The following FBXO25 variants were observed in gnomAD, a reference collection of about 807,000 sequenced individuals.
FBXO25 encodes the protein F-box only protein 25.
In FBXO25, 45 loss-of-function variants were observed where a neutral mutation model predicts 51.9. The ratio of observed to expected loss-of-function variants is 0.87; its 90% confidence interval spans 0.68 to 1.11. The LOEUF (loss-of-function observed/expected upper bound fraction) is 1.11, where lower values mean the gene tolerates loss of function less well. FBXO25 is among the 50% of genes most tolerant of loss of function. The pLI is 0.00. For missense variants in FBXO25, 507 were observed against 428.5 expected (o/e 1.18, Z -1.62); for synonymous variants, 199 against 151.0 (o/e 1.32, Z -2.33).
At chr8:454,919 G>GAAAAC (rs1799331233) in intron 7 of FBXO25, among the ~76,000 whole-genome samples, 3 of 133,444 alleles carry the variant, frequency 2.2e-5, no homozygotes, top group Non-Finnish European at 4.8e-5. Flanking sequence ...AGAAAACAAA[G>GAAAAC]AATGAGGGGA....
intron 5 of FBXO25, among the ~76,000 whole-genome samples, chr8:445,386 T>C (rs1039946545): frequency 4.6e-5 from 7 of 152,222 alleles, no homozygotes; most frequent in South Asian, 2.1e-4. Flanking sequence ...GTTCTGGTAT[T>C]TCTTCCCCTA....
chr8:446,974 G>C (rs1301561192), intron 5 of FBXO25, among the ~76,000 whole-genome samples: 1 of 152,178 alleles, frequency 6.6e-6, no homozygotes, highest in Admixed American at 6.5e-5. Flanking sequence ...GCAATTCACA[G>C]ACTCTAAAAT....
intron 9 of FBXO25, chr8:468,064 C>A (rs1175792469): frequency 1.7e-6 from 2 of 1,154,892 alleles, no homozygotes; most frequent in African/African-American, 1.6e-5. Flanking sequence ...CAGCACTGAC[C>A]CCAGAGCCTC....
In FBXO25 at chr8:472,137, C is replaced by G. The variant is rs1358637115; in HGVS notation, c.*3333C>G. 6.6e-6 allele frequency: 1 copy of G among 152,168 alleles called. No individual in the cohort carries two copies. The highest frequency in any genetic ancestry group is 1.5e-5 in the Non-Finnish European group (1 of 68,032). 9.4% of individuals were successfully genotyped at this position (152,168 alleles called of 1,614,324 possible). A position where few individuals can be genotyped will look rare whatever the true frequency, so the allele number is the denominator to read the frequency against. ...GCAGTGCGAGAGTGAACATCCTTGT[C>G]TTGTTCCTCATCTTAGGGGAAAGCT... On this transcript the variant is annotated 3_prime_UTR_variant, in exon 10 of 10. Coordinates refer to ENST00000350302, the MANE Select transcript of FBXO25 (RefSeq NM_183420.2).
rs531811447 is a variant in FBXO25 at position 417,156 on chromosome 8, A to G, written c.134+3943A>G. ...GGAAGCGGGGCCAGTAGGAGACAAG[A>G]TCCCAGCCTGACTGGGTCCCAGCTG... On this transcript the variant is annotated intron_variant, in intron 2 of 9. Transcript: ENST00000350302. Among the ~76,000 whole-genome samples the G allele has an allele frequency of 7.2e-5, 11 of 152,314 alleles. No individual in the cohort carries two copies. The East Asian group carries it at 1.9e-3, about 27-fold the overall frequency.
chr8:460,941 CA>C (rs1799769020), intron 8 of FBXO25, among the ~76,000 whole-genome samples: 1 of 152,180 alleles, frequency 6.6e-6, no homozygotes, highest in Non-Finnish European at 1.5e-5. Context: ...GTATGTTATA[CA>C]AGTGATTGTT....
chr8:468,903 CCCCT>C lies in FBXO25; in HGVS notation c.*100_*103del. The stretch of plus-strand genomic sequence containing the variant: ...GAGGTGGGTGGAGACTCCTCGGAAG[CCCCT>C]GCTTCCAGAAAGCCTGGGAAGAACT... On this transcript the variant is annotated 3_prime_UTR_variant, in exon 10 of 10. Coordinates refer to ENST00000350302, the MANE Select transcript of FBXO25 (RefSeq NM_183420.2). 5.4e-6 allele frequency: 6 copies of C among 1,107,828 alleles called. No homozygotes were observed. Among genetic ancestry groups the C allele is most frequent in the Non-Finnish European group, 6.3e-6 (5 of 792,144 alleles). The allele number at this position is 1,107,828 out of a possible 1,614,324, so 68.6% of individuals were successfully genotyped here.
chr8:407,496 A>C (rs1796228943), intron 1 of FBXO25: 2 of 943,514 alleles, frequency 2.1e-6, no homozygotes, highest in African/African-American at 3.6e-5. Flanking sequence ...GGGGCCGCCC[A>C]CAGGTGCACC....
At chr8:432,997 A>C (rs1277570038) in intron 4 of FBXO25, 62 bp downstream of exon 4, 1 of 1,468,602 alleles carries the variant, frequency 6.8e-7, no homozygotes, top group Non-Finnish European at 9.0e-7. Flanking sequence ...ATGGAGTCAC[A>C]TTAAATAAAT....
rs976351107 is a variant in FBXO25, at chr8:474,674, G to C, written c.*5870G>C. The C allele has an allele frequency of 2.2e-6, 1 of 448,656 alleles. No individual in the cohort carries two copies. Among genetic ancestry groups the C allele is most frequent in the Admixed American group, 2.5e-5 (1 of 40,582 alleles). The allele number at this position is 448,656 out of a possible 1,614,324, so 27.8% of individuals were successfully genotyped here. A position where few individuals can be genotyped will look rare whatever the true frequency, so the allele number is the denominator to read the frequency against. The stretch of plus-strand genomic sequence containing the variant: ...GTTGGCCGTTTATATGTCGTCTTTG[G>C]AGAAATGTCTATTTGGGCTCTTTGT... On this transcript the variant is annotated 3_prime_UTR_variant, in exon 10 of 10. Coordinates refer to ENST00000350302, the MANE Select transcript of FBXO25 (RefSeq NM_183420.2).
intron 2 of FBXO25, among the ~76,000 whole-genome samples, chr8:420,801 A>C (rs1437513246): frequency 2.0e-5 from 3 of 152,064 alleles, no homozygotes; most frequent in Non-Finnish European, 4.4e-5. Flanking sequence ...AGTTGATGAC[A>C]AAGAGAGTCA....
chr8:454,618 G>A (rs556043145), intron 7 of FBXO25, among the ~76,000 whole-genome samples: 16 of 152,318 alleles, frequency 1.1e-4, no homozygotes, highest in Admixed American at 7.2e-4. Flanking sequence ...TGGGCCGGGC[G>A]CGATGGCTCA....
chr8:432,525 T>G (rs536372399), intron 3 of FBXO25, among the ~76,000 whole-genome samples: 2 of 152,250 alleles, frequency 1.3e-5, no homozygotes, highest in Non-Finnish European at 2.9e-5. Context: ...CTGAAAAATT[T>G]GTTTCTATGG....
chr8:455,991 A>G (rs571779268), intron 7 of FBXO25, among the ~76,000 whole-genome samples: 4 of 152,330 alleles, frequency 2.6e-5, no homozygotes, highest in South Asian at 4.1e-4. Context: ...CTATAACTCT[A>G]CTAATCCGGG....
intron 7 of FBXO25, among the ~76,000 whole-genome samples, chr8:456,316 C>T (rs1479671455): frequency 6.6e-6 from 1 of 152,126 alleles, no homozygotes. Context: ...CTCAGGTGAT[C>T]CTCCCACCTC....
intron 5 of FBXO25, among the ~76,000 whole-genome samples, chr8:437,647 G>T (rs1235816733): frequency 6.6e-6 from 1 of 152,106 alleles, no homozygotes; most frequent in African/African-American, 2.4e-5. Context: ...GTCTTGCCTT[G>T]GATTGGGCTC....
intron 9 of FBXO25, chr8:468,042 C>A (rs1000881585): frequency 7.9e-7 from 1 of 1,272,416 alleles, no homozygotes; most frequent in Non-Finnish European, 1.0e-6. Flanking sequence ...CAGGGCATGC[C>A]ATGGAGAGAT....
rs1392027463 is a variant in FBXO25, at chr8:477,043, T to G, written c.*8239T>G. On this transcript the variant is annotated 3_prime_UTR_variant, in exon 10 of 10. Transcript: ENST00000350302. ...CTAATTTCCCTTGTGAGTTCCCCAT[T>G]AATCTGCTGGTTGAGAGCGTTGTTT... 1 of 152,252 alleles carries G rather than the reference T, an allele frequency of 6.6e-6. No homozygotes were observed. The highest frequency in any genetic ancestry group is 1.5e-5 in the Non-Finnish European group (1 of 68,046). 9.4% of individuals were successfully genotyped at this position (152,252 alleles called of 1,614,324 possible).
intron 9 of FBXO25, 63 bp downstream of exon 9, chr8:463,213 C>G (rs1585104170): frequency 2.6e-6 from 4 of 1,547,242 alleles, no homozygotes; most frequent in Non-Finnish European, 3.5e-6. Context: ...AACTAATCAC[C>G]TATATTTTAA....
Sources: allele counts gnomAD v4.1 joint callset (sites outside exome capture counted in the v4.1 genomes callset), GRCh38; gene constraint gnomAD v4.1.1; transcripts MANE v1.5; gene names NCBI Gene and HGNC (gene_info 2026-07-23, HGNC 2026-07-21).